The following MCC variants were observed in gnomAD, a reference collection of about 807,000 sequenced individuals.
MCC encodes MCC regulator of Wnt signaling pathway.
Under a neutral mutation model 116.2 loss-of-function variants are expected in MCC, and 90 were observed. The observed-to-expected ratio is 0.77, with a 90% CI of 0.65 to 0.92. MCC has a LOEUF of 0.92. Ranked by LOEUF, MCC falls within the 40% of genes least tolerant of loss-of-function variation. The pLI is 0.00. For missense variants in MCC, 1,516 were observed against 1,312.2 expected, an observed-to-expected ratio of 1.16 and a Z score of -2.40; for synonymous variants, 578 against 510.5, an observed-to-expected ratio of 1.13 and a Z score of -1.78.
At chr5:113,462,859 G>C (rs765755418) in intron 1 of MCC, among the ~76,000 whole-genome samples, 6 of 152,294 alleles carry the variant, frequency 3.9e-5, no homozygotes, top group Non-Finnish European at 5.9e-5. Flanking sequence ...AATAAAGAGG[G>C]ACACAGTCTC....
intron 1 of MCC, among the ~76,000 whole-genome samples, chr5:113,457,379 C>T (rs1771600242): frequency 6.6e-6 from 1 of 152,252 alleles, no homozygotes; most frequent in African/African-American, 2.4e-5. Flanking sequence ...AGCTGCCTTC[C>T]CGCGGAGCAG....
intron 8 of MCC, among the ~76,000 whole-genome samples, chr5:113,090,128 T>C (rs1197691744): frequency 4.0e-5 from 6 of 151,596 alleles, no homozygotes; most frequent in Non-Finnish European, 7.4e-5. Context: ...GCAGAGTGCC[T>C]GTGTGGAGCT....
intron 3 of MCC, among the ~76,000 whole-genome samples, chr5:113,287,237 C>T (rs545050696): frequency 2.4e-4 from 35 of 146,712 alleles, no homozygotes; most frequent in Middle Eastern, 3.4e-3. Context: ...AACACAAACC[C>T]CTCCTCTCAG....
At chr5:113,030,937 G>A (rs1379772401) in intron 17 of MCC, among the ~76,000 whole-genome samples, 1 of 152,168 alleles carries the variant, frequency 6.6e-6, no homozygotes, top group Non-Finnish European at 1.5e-5. Context: ...TATATTTTCT[G>A]TAAAGTGCGA....
chr5:113,182,560 C>G (rs1761683417), intron 3 of MCC, among the ~76,000 whole-genome samples: 1 of 152,078 alleles, frequency 6.6e-6, no homozygotes, highest in African/African-American at 2.4e-5. Context: ...CGTACCACTG[C>G]ACTCTAGCCT....
intron 3 of MCC, among the ~76,000 whole-genome samples, chr5:113,158,406 G>A (rs766343757): frequency 6.6e-5 from 10 of 152,066 alleles, no homozygotes; most frequent in Non-Finnish European, 1.0e-4. Flanking sequence ...CATATTTTTG[G>A]CAGGTTCCGC....
intron 3 of MCC, among the ~76,000 whole-genome samples, chr5:113,330,989 G>A (rs1248766960): frequency 1.3e-5 from 2 of 152,182 alleles, no homozygotes; most frequent in East Asian, 3.9e-4. Flanking sequence ...GATTGCCAAA[G>A]GGCAGAAGAA....
intron 3 of MCC, among the ~76,000 whole-genome samples, chr5:113,279,287 A>T (rs1765944369): frequency 1.3e-5 from 2 of 152,226 alleles, no homozygotes; most frequent in Admixed American, 6.5e-5. Flanking sequence ...CACCCGAAGC[A>T]TTGCAGGCTG....
chr5:113,101,276 G>C (rs963889698), intron 8 of MCC, among the ~76,000 whole-genome samples: 11 of 151,856 alleles, frequency 7.2e-5, no homozygotes, highest in African/African-American at 2.2e-4. Context: ...CAGTAAGTCT[G>C]CACCAGGAGA....
intron 3 of MCC, among the ~76,000 whole-genome samples, chr5:113,199,648 T>C (rs12659754): frequency 0.59 from 89,421 of 152,030 alleles, 27,059 homozygotes; most frequent in East Asian, 0.72. Flanking sequence ...AGTCTCAGGA[T>C]GCTCTGGTAG....
At chr5:113,125,174 T>C (rs1160372131) in intron 5 of MCC, among the ~76,000 whole-genome samples, 1 of 152,144 alleles carries the variant, frequency 6.6e-6, no homozygotes, top group Non-Finnish European at 1.5e-5. Context: ...CACCGGAGGA[T>C]GCAAATAATC....
At chr5:113,452,877 C>T (rs1771441447) in intron 1 of MCC, among the ~76,000 whole-genome samples, 1 of 152,134 alleles carries the variant, frequency 6.6e-6, no homozygotes, top group African/African-American at 2.4e-5. Flanking sequence ...TTTATGTGTC[C>T]TTTATTTGAA....
intron 6 of MCC, among the ~76,000 whole-genome samples, chr5:113,120,781 C>T (rs1757690852): frequency 6.6e-6 from 1 of 152,204 alleles, no homozygotes; most frequent in Non-Finnish European, 1.5e-5. Flanking sequence ...CAACAGTTAT[C>T]ATCTGCAAAC....
intron 2 of MCC, among the ~76,000 whole-genome samples, chr5:113,349,873 T>G (rs1454976828): frequency 6.6e-6 from 1 of 151,994 alleles, no homozygotes; most frequent in Admixed American, 6.6e-5. Context: ...CATACAAAAA[T>G]CAGTAGCATT....
intron 3 of MCC, among the ~76,000 whole-genome samples, chr5:113,314,690 C>T (rs368262634): frequency 4.6e-5 from 7 of 152,234 alleles, no homozygotes; most frequent in East Asian, 1.9e-4. Context: ...TGGGTTCAAG[C>T]GATTCTCCTG....
intron 14 of MCC, among the ~76,000 whole-genome samples, chr5:113,054,911 C>T (rs969108110): frequency 7.2e-5 from 11 of 152,228 alleles, no homozygotes; most frequent in Admixed American, 2.6e-4. Context: ...AGTGGGCAGG[C>T]TGCTCCCCGT....
At chr5:113,466,509 A>G (rs1053347347) in intron 1 of MCC, among the ~76,000 whole-genome samples, 37 of 152,130 alleles carry the variant, frequency 2.4e-4, no homozygotes, top group African/African-American at 8.2e-4. Context: ...CAAAGGACAC[A>G]AACTCATCAT....
intron 1 of MCC, among the ~76,000 whole-genome samples, chr5:113,391,723 G>GA (rs35813804): frequency 0.19 from 27,239 of 142,102 alleles, 2,647 homozygotes; most frequent in Non-Finnish European, 0.24. Context: ...TGTCTCTGGG[G>GA]AAAAAAAAAA....
At chr5:113,453,881 C>T (rs1167243505) in intron 1 of MCC, among the ~76,000 whole-genome samples, 3 of 152,128 alleles carry the variant, frequency 2.0e-5, no homozygotes, top group East Asian at 3.9e-4. Flanking sequence ...GAGGCTGAGG[C>T]GTGTGGATCA....
Sources: gnomAD v4.1 joint callset for allele counts (sites outside exome capture counted in the v4.1 genomes callset) on GRCh38, gnomAD v4.1.1 for gene constraint, MANE v1.5 for transcripts, NCBI Gene and HGNC (gene_info 2026-07-23, HGNC 2026-07-21) for gene names.